Variants in ATP2B2 observed in about 807,000 individuals in gnomAD.
ATP2B2 encodes ATPase plasma membrane Ca2+ transporting 2, also known as plasma membrane calcium-transporting ATPase 2.
A neutral mutation model predicts 120.0 loss-of-function variants in ATP2B2; 15 were observed. The ratio of observed to expected loss-of-function variants is 0.12; its 90% CI spans 0.08 to 0.19. The LOEUF (loss-of-function observed/expected upper bound fraction) is 0.19, where lower values mean the gene tolerates loss of function less well. Ranked by LOEUF, ATP2B2 falls within the 10% of genes least tolerant of loss-of-function variation. ATP2B2 has a pLI of 1.00. For missense variants in ATP2B2, 1,045 were observed against 1,719.8 expected (o/e 0.61, Z 6.94); for synonymous variants, 694 against 700.3 (o/e 0.99, Z 0.14).
At chr3:10,371,479 T>C (rs1221671157) in intron 12 of ATP2B2, among the ~76,000 whole-genome samples, 1 of 152,170 alleles carries the variant, frequency 6.6e-6, no homozygotes, top group East Asian at 1.9e-4. Context: ...AATACACAGG[T>C]TTGTTTCAAG....
intron 3 of ATP2B2, among the ~76,000 whole-genome samples, chr3:10,523,927 C>T (rs757104601): frequency 6.6e-6 from 1 of 152,076 alleles, no homozygotes; most frequent in Non-Finnish European, 1.5e-5. Flanking sequence ...GAGCAGCCCA[C>T]TGAAAATACA....
chr3:10,385,539 G>A (rs1315577396), intron 7 of ATP2B2, among the ~76,000 whole-genome samples: 1 of 152,200 alleles, frequency 6.6e-6, no homozygotes, highest in Non-Finnish European at 1.5e-5. Context: ...CAGACATGGA[G>A]GGTCTTTCAA....
intron 1 of ATP2B2, among the ~76,000 whole-genome samples, chr3:10,502,978 G>C (rs2066455646): frequency 6.6e-6 from 1 of 152,216 alleles, no homozygotes; most frequent in Non-Finnish European, 1.5e-5. Flanking sequence ...TGGGACGTGG[G>C]GATAACAGGG....
rs117764714 is a variant in ATP2B2 at position 10,553,992 on chromosome 3, C to T, written c.-414-19859G>A. ...TGAGCAGGAGCGGTACACAGACCCACGTTTGTTTTCTGGGGGTCTAGTGGG... is the reference window on the plus strand; with the variant it reads ...TGAGCAGGAGCGGTACACAGACCCATGTTTGTTTTCTGGGGGTCTAGTGGG... On this transcript the variant is annotated intron_variant, in intron 2 of 21. Coordinates refer to the ATP2B2 transcript ENST00000646379. 2.0e-3 allele frequency among the ~76,000 whole-genome samples: 216 copies of T among 109,510 alleles called. 2 individuals are homozygous for T. Among genetic ancestry groups the T allele is most frequent in the African/African-American group, 7.5e-3 (209 of 27,978 alleles). 71.8% of individuals were successfully genotyped at this position (109,510 alleles called of 152,430 possible).
intron 1 of ATP2B2, among the ~76,000 whole-genome samples, chr3:10,461,520 G>A (rs187739570): frequency 2.6e-4 from 40 of 152,278 alleles, no homozygotes; most frequent in African/African-American, 8.9e-4. Context: ...GTCTTCTCTG[G>A]GTGCGGCTCA....
intron 2 of ATP2B2, among the ~76,000 whole-genome samples, chr3:10,426,822 T>C (rs560835868): frequency 3.1e-5 from 4 of 130,188 alleles, no homozygotes; most frequent in African/African-American, 1.2e-4. Flanking sequence ...TTCCTAGAAA[T>C]AGATTCCTCC....
chr3:10,355,498 C>G (rs1283729598), intron 14 of ATP2B2, among the ~76,000 whole-genome samples: 1 of 152,142 alleles, frequency 6.6e-6, no homozygotes, highest in African/African-American at 2.4e-5. Context: ...TCTCTGGGGA[C>G]GTCAGAGCTT....
chr3:10,363,949 A>G (rs2060971913), intron 12 of ATP2B2, among the ~76,000 whole-genome samples: 1 of 152,258 alleles, frequency 6.6e-6, no homozygotes, highest in African/African-American at 2.4e-5. Context: ...AGCAGCATTA[A>G]TCACAAAGTC....
chr3:10,510,667 A>G (rs1360129555), intron 3 of ATP2B2, among the ~76,000 whole-genome samples: 1 of 152,240 alleles, frequency 6.6e-6, no homozygotes, highest in Non-Finnish European at 1.5e-5. Context: ...CCATGAGCTC[A>G]CAGTGTTACT....
chr3:10,512,786 C>T (rs773784553), intron 3 of ATP2B2, among the ~76,000 whole-genome samples: 43 of 152,316 alleles, frequency 2.8e-4, no homozygotes, highest in Non-Finnish European at 2.6e-4. Context: ...CCTCAGTCCT[C>T]CATTGCACCC....
chr3:10,356,764 C>T (rs1296022945), intron 14 of ATP2B2, among the ~76,000 whole-genome samples: 1 of 152,186 alleles, frequency 6.6e-6, no homozygotes, highest in Admixed American at 6.5e-5. Flanking sequence ...GAGGCCTGAA[C>T]CCATTAGTGG....
chr3:10,450,683 G>T (rs762260695), intron 1 of ATP2B2, among the ~76,000 whole-genome samples: 2 of 152,162 alleles, frequency 1.3e-5, no homozygotes, highest in African/African-American at 4.8e-5. Flanking sequence ...GGGGGAGGGG[G>T]GTCCCTATGG....
intron 2 of ATP2B2, among the ~76,000 whole-genome samples, chr3:10,595,172 C>T (rs2068737253): frequency 6.6e-6 from 1 of 152,214 alleles, no homozygotes; most frequent in Non-Finnish European, 1.5e-5. Flanking sequence ...CAGATCCCTC[C>T]CACTCCAACC....
At chr3:10,335,575 G>A (rs1457520451) in intron 22 of ATP2B2, among the ~76,000 whole-genome samples, 3 of 152,176 alleles carry the variant, frequency 2.0e-5, no homozygotes, top group African/African-American at 4.8e-5. Context: ...GACCAACTGG[G>A]AAAGTCTGGT....
chr3:10,385,239 T>C (rs888086688), intron 8 of ATP2B2, 29 bp downstream of exon 8: 3 of 1,611,842 alleles, frequency 1.9e-6, no homozygotes, highest in East Asian at 4.5e-5. Context: ...CATCCAACCA[T>C]GACCAGGAGC....
rs373838151 is a variant in ATP2B2 at position 10,452,938 on chromosome 3, T to G, written c.-319-3076A>C. 1.6e-3 allele frequency among the ~76,000 whole-genome samples: 241 copies of G among 152,340 alleles called. 1 individual carries two copies. The highest frequency in any genetic ancestry group is 0.014 in the South Asian group (70 of 4,828). On this transcript the variant is annotated intron_variant, in intron 1 of 22. Coordinates refer to ENST00000360273, the MANE Select transcript of ATP2B2 (RefSeq NM_001001331.4). ...CCACCCACACCTGCACTAAACTTACTGGCAGTAGAAATCACCTGTGATTCT... is the reference window on the plus strand; with the variant it reads ...CCACCCACACCTGCACTAAACTTACGGGCAGTAGAAATCACCTGTGATTCT...
At chr3:10,466,817 A>C (rs2064762928) in intron 1 of ATP2B2, among the ~76,000 whole-genome samples, 1 of 152,298 alleles carries the variant, frequency 6.6e-6, no homozygotes. Context: ...CCATTTCACA[A>C]GTAAGAAAAC....
At chr3:10,649,060 A>G (rs894685772) in intron 1 of ATP2B2, among the ~76,000 whole-genome samples, 1 of 152,216 alleles carries the variant, frequency 6.6e-6, no homozygotes, top group Non-Finnish European at 1.5e-5. Flanking sequence ...CACTAGCCAC[A>G]TGTGGCCATT....
At chr3:10,695,937 C>T (rs1289074539) in intron 1 of ATP2B2, among the ~76,000 whole-genome samples, 2 of 152,216 alleles carry the variant, frequency 1.3e-5, no homozygotes, top group Non-Finnish European at 2.9e-5. Flanking sequence ...AAGTCAGTCT[C>T]AGATGTCTTG....
Sources: allele counts gnomAD v4.1 joint callset (sites outside exome capture counted in the v4.1 genomes callset), GRCh38; gene constraint gnomAD v4.1.1; transcripts MANE v1.5; gene names NCBI Gene and HGNC (gene_info 2026-07-23, HGNC 2026-07-21).